ADAM12: variants seen among roughly 807,000 people sequenced by gnomAD.
The protein encoded by ADAM12 is ADAM metallopeptidase domain 12, also known as disintegrin and metalloproteinase domain-containing protein 12.
In ADAM12, 70 loss-of-function variants were observed where a neutral mutation model predicts 106.4. The ratio of observed to expected loss-of-function variants is 0.66; its 90% CI spans 0.54 to 0.80. The LOEUF (loss-of-function observed/expected upper bound fraction) is 0.80, where lower values mean the gene tolerates loss of function less well. Ranked by LOEUF, ADAM12 falls within the 30% of genes least tolerant of loss-of-function variation. ADAM12 has a pLI of 0.00. For missense variants in ADAM12, 1,010 were observed against 1,171.9 expected (o/e 0.86, Z 2.02); for synonymous variants, 420 against 433.5 (o/e 0.97, Z 0.39).
chr10:126,152,572 TG>T (rs1277520799), intron 4 of ADAM12, among the ~76,000 whole-genome samples: 1 of 151,892 alleles, frequency 6.6e-6, no homozygotes, highest in African/African-American at 2.4e-5. Flanking sequence ...TTTTTTGTTT[TG>T]TTTTGCTTTT....
At chr10:126,269,564 G>C (rs74161629) in intron 3 of ADAM12, among the ~76,000 whole-genome samples, 4 of 152,174 alleles carry the variant, frequency 2.6e-5, no homozygotes, top group African/African-American at 9.7e-5. Flanking sequence ...GTCGCACCAG[G>C]AGAGGGAAGG....
At chr10:126,144,050 A>G (rs1956578347) in intron 4 of ADAM12, among the ~76,000 whole-genome samples, 1 of 152,214 alleles carries the variant, frequency 6.6e-6, no homozygotes, top group Admixed American at 6.5e-5. Context: ...TCCCATGTCC[A>G]TAACAAGAAC....
At chr10:126,071,697 A>G in intron 11 of ADAM12, 43 bp from the exon 12 acceptor site, 1 of 1,603,650 alleles carries the variant, frequency 6.2e-7, no homozygotes, top group Non-Finnish European at 8.5e-7. Flanking sequence ...AGGGCATGGA[A>G]TGGCTTTGTC....
At chr10:126,296,779 A>C (rs1179023563) in intron 2 of ADAM12, among the ~76,000 whole-genome samples, 1 of 152,170 alleles carries the variant, frequency 6.6e-6, no homozygotes, top group Non-Finnish European at 1.5e-5. Context: ...TTTTAATATG[A>C]ACTGCTATTA....
At chr10:126,324,169 G>A (rs755320505) in intron 2 of ADAM12, among the ~76,000 whole-genome samples, 7 of 152,240 alleles carry the variant, frequency 4.6e-5, no homozygotes, top group Admixed American at 6.5e-5. Context: ...TCACAGAGAT[G>A]TGGACAACTT....
At chr10:126,294,989 G>A (rs1019443765) in intron 2 of ADAM12, among the ~76,000 whole-genome samples, 3 of 151,850 alleles carry the variant, frequency 2.0e-5, no homozygotes, top group African/African-American at 7.3e-5. Flanking sequence ...ATGGAATAAG[G>A]AAATCCAAAA....
At chr10:126,050,592 G>C (rs1325401629) in intron 14 of ADAM12, among the ~76,000 whole-genome samples, 1 of 152,158 alleles carries the variant, frequency 6.6e-6, no homozygotes, top group Non-Finnish European at 1.5e-5. Flanking sequence ...TCTGACTCCT[G>C]CCCTTCTCTG....
At chr10:126,213,286 T>C (rs539692858) in intron 3 of ADAM12, among the ~76,000 whole-genome samples, 2 of 152,214 alleles carry the variant, frequency 1.3e-5, no homozygotes, top group African/African-American at 4.8e-5. Flanking sequence ...CTTGACAACA[T>C]AAATTTAGAT....
intron 8 of ADAM12, among the ~76,000 whole-genome samples, chr10:126,103,154 A>T (rs930282594): frequency 6.6e-6 from 1 of 152,212 alleles, no homozygotes; most frequent in Non-Finnish European, 1.5e-5. Context: ...TTTCATGATA[A>T]TGATGGGTTT....
intron 1 of ADAM12, among the ~76,000 whole-genome samples, chr10:126,351,923 C>T (rs1855376160): frequency 2.0e-5 from 3 of 152,102 alleles, no homozygotes; most frequent in Admixed American, 2.0e-4. Flanking sequence ...ACTCTCGGGT[C>T]ACTATAGGAC....
chr10:126,234,374 C>T (rs557740216), intron 3 of ADAM12, among the ~76,000 whole-genome samples: 67 of 152,318 alleles, frequency 4.4e-4, no homozygotes, highest in Non-Finnish European at 8.8e-4. Context: ...CAAAGCAGTT[C>T]AGTACTGTTT....
At chr10:126,277,273 C>T (rs954703117) in intron 3 of ADAM12, among the ~76,000 whole-genome samples, 5 of 152,070 alleles carry the variant, frequency 3.3e-5, no homozygotes, top group African/African-American at 1.2e-4. Context: ...GTAAAAACAA[C>T]TTAAGGTTTT....
At chr10:126,190,874 C>T (rs773477740) in intron 3 of ADAM12, among the ~76,000 whole-genome samples, 4 of 151,562 alleles carry the variant, frequency 2.6e-5, no homozygotes, top group Admixed American at 6.6e-5. Flanking sequence ...GGTTAGAGCA[C>T]GCAGCAGGTG....
chr10:126,134,919 TA>T (rs57901898), intron 5 of ADAM12, among the ~76,000 whole-genome samples: 20,991 of 152,190 alleles, frequency 0.14, 1,552 homozygotes, highest in South Asian at 0.2. Context: ...GCAAATCCAG[TA>T]AAAAGGCTGA....
chr10:126,259,026 A>G (rs955110341), intron 3 of ADAM12, among the ~76,000 whole-genome samples: 17 of 152,176 alleles, frequency 1.1e-4, no homozygotes, highest in African/African-American at 4.1e-4. Flanking sequence ...TAATGGTTGA[A>G]TTTATAACAG....
At chr10:126,302,438 TTGAA>T (rs1960665427) in intron 2 of ADAM12, among the ~76,000 whole-genome samples, 2 of 152,194 alleles carry the variant, frequency 1.3e-5, no homozygotes, top group African/African-American at 2.4e-5. Context: ...ATACGATACT[TTGAA>T]TGGGATCAAT....
intron 3 of ADAM12, 75 bp from the exon 4 acceptor site, chr10:126,155,380 A>G (rs1430657976): frequency 9.0e-6 from 12 of 1,336,656 alleles, no homozygotes; most frequent in Non-Finnish European, 1.2e-5. Context: ...TGTCTAGGCT[A>G]TAGGGTAGCA....
chr10:126,255,251 A>G (rs889462364), intron 3 of ADAM12, among the ~76,000 whole-genome samples: 30 of 152,246 alleles, frequency 2.0e-4, no homozygotes, highest in Middle Eastern at 3.4e-3. Context: ...TGCTACACTC[A>G]ATGAAAGTTT....
At chr10:126,262,998 T>C (rs1202066542) in intron 3 of ADAM12, among the ~76,000 whole-genome samples, 2 of 152,200 alleles carry the variant, frequency 1.3e-5, no homozygotes, top group African/African-American at 4.8e-5. Context: ...ATCCTGGGAT[T>C]CTCAGGTTTC....
Sources: allele counts gnomAD v4.1 joint callset (sites outside exome capture counted in the v4.1 genomes callset), GRCh38; gene constraint gnomAD v4.1.1; transcripts MANE v1.5; gene names NCBI Gene and HGNC (gene_info 2026-07-23, HGNC 2026-07-21).